EPHA3: variants seen among roughly 807,000 people sequenced by gnomAD.
EPHA3 encodes the protein EPH receptor A3.
EPHA3 carries 42 observed loss-of-function variants against 107.1 expected under a neutral mutation model. The ratio of observed to expected loss-of-function variants is 0.39; its 90% CI spans 0.31 to 0.51. The LOEUF is 0.51. EPHA3 is among the 20% of genes least tolerant of loss of function. The pLI, the probability that EPHA3 is intolerant of heterozygous loss-of-function variation, is 0.78. For synonymous variants in EPHA3, 461 were observed against 424.8 expected (o/e 1.09, Z -1.05); for missense variants, 1,183 against 1,211.2 (o/e 0.98, Z 0.35).
At chr3:89,445,536 A>G (rs183850312) in intron 13 of EPHA3, among the ~76,000 whole-genome samples, 31 of 152,288 alleles carry the variant, frequency 2.0e-4, no homozygotes, top group African/African-American at 6.0e-4. Flanking sequence ...AATTACGGAA[A>G]CATTTAAAGC....
chr3:89,313,572 G>T (rs555562842), intron 3 of EPHA3, among the ~76,000 whole-genome samples: 1 of 151,862 alleles, frequency 6.6e-6, no homozygotes, highest in Non-Finnish European at 1.5e-5. Context: ...TATACTTCAA[G>T]TGGGCACTAA....
chr3:89,260,521 A>T (rs1705388010), intron 3 of EPHA3, among the ~76,000 whole-genome samples: 1 of 151,860 alleles, frequency 6.6e-6, no homozygotes, highest in South Asian at 2.1e-4. Context: ...CCCATTTTTA[A>T]ATCAGGTTAT....
At chr3:89,270,426 C>A (rs1190636755) in intron 3 of EPHA3, among the ~76,000 whole-genome samples, 2 of 151,996 alleles carry the variant, frequency 1.3e-5, no homozygotes, top group Non-Finnish European at 2.9e-5. Flanking sequence ...GTTAGTCCAC[C>A]TGTTTTAGTC....
intron 3 of EPHA3, among the ~76,000 whole-genome samples, chr3:89,287,583 A>C (rs1167823637): frequency 6.6e-6 from 1 of 152,108 alleles, no homozygotes; most frequent in Non-Finnish European, 1.5e-5. Context: ...AATATATATT[A>C]TACAGGCAAG....
intron 3 of EPHA3, among the ~76,000 whole-genome samples, chr3:89,299,635 A>G (rs980474913): frequency 1.3e-5 from 2 of 152,066 alleles, no homozygotes; most frequent in Admixed American, 6.6e-5. Flanking sequence ...GTAATTTAAA[A>G]GTAAGAAAAT....
chr3:89,442,720 A>G (rs894042111), intron 13 of EPHA3, among the ~76,000 whole-genome samples: 4 of 152,126 alleles, frequency 2.6e-5, no homozygotes, highest in Non-Finnish European at 5.9e-5. Flanking sequence ...TCCTGTCCAT[A>G]TTGGACTGCA....
chr3:89,310,647 C>T (rs1706742920), intron 3 of EPHA3, among the ~76,000 whole-genome samples: 1 of 151,514 alleles, frequency 6.6e-6, no homozygotes, highest in Non-Finnish European at 1.5e-5. Flanking sequence ...ATATACCATG[C>T]AATTTAATAG....
At chr3:89,233,376 T>C (rs975507033) in intron 3 of EPHA3, among the ~76,000 whole-genome samples, 1 of 152,190 alleles carries the variant, frequency 6.6e-6, no homozygotes, top group African/African-American at 2.4e-5. Flanking sequence ...GGCATTGAAC[T>C]AGTGTGCGTA....
intron 11 of EPHA3, among the ~76,000 whole-genome samples, chr3:89,419,940 G>A (rs1709325112): frequency 6.6e-6 from 1 of 151,442 alleles, no homozygotes; most frequent in South Asian, 2.1e-4. Flanking sequence ...TTCTGATCTA[G>A]AAACCCAGGT....
chr3:89,440,652 G>A (rs1232925560), intron 13 of EPHA3, among the ~76,000 whole-genome samples: 1 of 152,198 alleles, frequency 6.6e-6, no homozygotes, highest in Non-Finnish European at 1.5e-5. Flanking sequence ...AATCTTTCAA[G>A]AACAGGGTTA....
At chr3:89,268,035 G>A (rs1041152801) in intron 3 of EPHA3, among the ~76,000 whole-genome samples, 11 of 152,208 alleles carry the variant, frequency 7.2e-5, no homozygotes, top group Admixed American at 6.6e-4. Context: ...TTACAATGAT[G>A]CAAAAGATAA....
chr3:89,218,353 G>A (rs373594507), intron 3 of EPHA3, among the ~76,000 whole-genome samples: 20 of 137,314 alleles, frequency 1.5e-4, no homozygotes, highest in South Asian at 6.8e-4. Flanking sequence ...ATGTGTTCTC[G>A]TTGTTCAATT....
At chr3:89,350,672 CT>C (rs1308037689) in intron 5 of EPHA3, among the ~76,000 whole-genome samples, 26 of 151,232 alleles carry the variant, frequency 1.7e-4, no homozygotes, top group African/African-American at 6.0e-4. Context: ...AACTGCGTTC[CT>C]TTGGAGGAGG....
chr3:89,451,505 T>C (rs548013573), intron 15 of EPHA3, among the ~76,000 whole-genome samples: 1 of 152,224 alleles, frequency 6.6e-6, no homozygotes, highest in Non-Finnish European at 1.5e-5. Flanking sequence ...TTCTCTCTGA[T>C]TTATCACATG....
intron 16 of EPHA3, among the ~76,000 whole-genome samples, chr3:89,475,767 C>T (rs562604476): frequency 2.9e-4 from 44 of 152,256 alleles, no homozygotes; most frequent in Admixed American, 9.2e-4. Context: ...ATCCCTTTGC[C>T]TTTGAAGTAC....
chr3:89,176,277 A>T (rs1199731769), intron 2 of EPHA3, among the ~76,000 whole-genome samples: 1 of 151,884 alleles, frequency 6.6e-6, no homozygotes, highest in Non-Finnish European at 1.5e-5. Flanking sequence ...CGGTCAGGAG[A>T]TCGAGACCAG....
intron 9 of EPHA3, among the ~76,000 whole-genome samples, chr3:89,409,162 C>T (rs184385713): frequency 3.9e-5 from 6 of 151,902 alleles, no homozygotes; most frequent in East Asian, 3.9e-4. Context: ...CCAATTGCAG[C>T]GTCTATAAAA....
In EPHA3 at chr3:89,413,562, G is replaced by C. The variant is rs143716231; in HGVS notation, c.1888+296G>C. 4.0e-5 allele frequency among the ~76,000 whole-genome samples: 6 copies of C among 151,732 alleles called. No homozygotes were observed. In the East Asian group the frequency reaches 9.7e-4, roughly 25 times the overall value. ...TCACAAAACCTATTTGGCTAAATAA[G>C]GATAACTGGATAAAAGTCTATTTCA... On this transcript the variant is annotated intron_variant, in intron 10 of 16. Transcript: ENST00000336596.
intron 5 of EPHA3, among the ~76,000 whole-genome samples, chr3:89,351,319 G>A (rs1313226202): frequency 6.6e-6 from 1 of 151,378 alleles, no homozygotes; most frequent in Non-Finnish European, 1.5e-5. Context: ...TAGTCTCGTG[G>A]TGCGCTGTTT....
Sources: gnomAD v4.1 joint callset for allele counts (sites outside exome capture counted in the v4.1 genomes callset) on GRCh38, gnomAD v4.1.1 for gene constraint, MANE v1.5 for transcripts, NCBI Gene and HGNC (gene_info 2026-07-23, HGNC 2026-07-21) for gene names.